Variants in SRFBP1 observed in about 807,000 individuals in gnomAD.
The protein encoded by SRFBP1 is serum response factor binding protein 1.
SRFBP1 carries 47 observed loss-of-function variants against 45.5 expected under a neutral mutation model. The ratio of observed to expected loss-of-function variants is 1.03; its 90% CI spans 0.82 to 1.32. The LOEUF is 1.32. Among genes scored for constraint, SRFBP1 ranks in the 40% most tolerant of loss-of-function variants. SRFBP1 has a pLI of 0.00. For missense variants in SRFBP1, 621 were observed against 484.6 expected, an observed-to-expected ratio of 1.28 and a Z score of -2.64; for synonymous variants, 203 against 166.3, an observed-to-expected ratio of 1.22 and a Z score of -1.70.
chr5:121,983,890 A>C (rs918551962), intron 3 of SRFBP1, among the ~76,000 whole-genome samples: 4 of 151,718 alleles, frequency 2.6e-5, no homozygotes, highest in Non-Finnish European at 4.4e-5. Context: ...AAGACCCTAA[A>C]ATTAGCTTCC....
chr5:122,045,701 A>G (rs370468766), intron 2 of SRFBP1, among the ~76,000 whole-genome samples: 7 of 152,122 alleles, frequency 4.6e-5, no homozygotes, highest in African/African-American at 1.7e-4. Flanking sequence ...TTATACATTG[A>G]TTTTGTATCT....
At chr5:122,056,182 T>C (rs1754075103) in intron 2 of SRFBP1, among the ~76,000 whole-genome samples, 1 of 148,930 alleles carries the variant, frequency 6.7e-6, no homozygotes, top group Non-Finnish European at 1.5e-5. Context: ...GTTTTAGTTT[T>C]AGAGACAGAA....
chr5:122,061,966 G>T (rs972310887), intron 2 of SRFBP1, among the ~76,000 whole-genome samples: 3 of 151,628 alleles, frequency 2.0e-5, no homozygotes, highest in Non-Finnish European at 4.4e-5. Flanking sequence ...ACTTAAGATG[G>T]TATATCCCAG....
chr5:121,975,035 G>A (rs1752273193), intron 2 of SRFBP1, among the ~76,000 whole-genome samples: 1 of 151,808 alleles, frequency 6.6e-6, no homozygotes, highest in African/African-American at 2.4e-5. Flanking sequence ...ATTTAAAAAA[G>A]TGTTATTAAG....
intron 2 of SRFBP1, among the ~76,000 whole-genome samples, chr5:122,046,906 T>C (rs1753871948): frequency 6.6e-6 from 1 of 152,200 alleles, no homozygotes; most frequent in Admixed American, 6.5e-5. Flanking sequence ...TGTTTTTTTC[T>C]TGTAAATTTG....
At chr5:122,002,728 A>G (rs1752896562) in intron 4 of SRFBP1, among the ~76,000 whole-genome samples, 1 of 152,186 alleles carries the variant, frequency 6.6e-6, no homozygotes, top group South Asian at 2.1e-4. Flanking sequence ...TATGTGAGAA[A>G]TTGTTGTAAT....
chr5:121,974,070 G>A lies in SRFBP1; in HGVS notation c.37-126G>A, dbSNP rs985399314. On this transcript the variant is annotated intron_variant, in intron 1 of 7. Coordinates refer to ENST00000339397, the MANE Select transcript of SRFBP1 (RefSeq NM_152546.3). Reference sequence around the variant, plus strand: ...AAGAGGTTTGATTTCATCAAGCTACGAATATAGTTAGACAATAAAAGTAGT... The same window carrying A: ...AAGAGGTTTGATTTCATCAAGCTACAAATATAGTTAGACAATAAAAGTAGT... 183 of 589,302 alleles carry A rather than the reference G, an allele frequency of 3.1e-4. 1 individual carries two copies. The highest frequency in any genetic ancestry group is 4.5e-5 in the Non-Finnish European group (15 of 335,182). The allele number at this position is 589,302 out of a possible 1,614,324, so 36.5% of individuals were successfully genotyped here.
chr5:122,078,794 T>A (rs754543813), downstream of SRFBP1, among the ~76,000 whole-genome samples: 3 of 152,222 alleles, frequency 2.0e-5, no homozygotes, highest in Non-Finnish European at 4.4e-5. Context: ...TCAAATTTTG[T>A]TTTTCTGTGT....
chr5:121,965,503 T>A lies in SRFBP1; in HGVS notation c.36+3435T>A, dbSNP rs1469387882. Among the ~76,000 whole-genome samples the A allele has an allele frequency of 2.0e-5, 3 of 152,278 alleles. No homozygotes were observed. In the East Asian group the frequency reaches 5.8e-4, roughly 29 times the overall value. ...TTGTCAAAGATCAGATGTTTGTAGA[T>A]GTGTGGTGTTGTTTCTGAGGCCTCT... On this transcript the variant is annotated intron_variant, in intron 1 of 7. Coordinates refer to ENST00000339397, the MANE Select transcript of SRFBP1 (RefSeq NM_152546.3).
chr5:122,044,485 C>G (rs1157343017), intron 2 of SRFBP1, among the ~76,000 whole-genome samples: 1 of 151,930 alleles, frequency 6.6e-6, no homozygotes, highest in African/African-American at 2.4e-5. Flanking sequence ...TAAGTATTCC[C>G]TTTTCTCCAC....
downstream of SRFBP1, among the ~76,000 whole-genome samples, chr5:122,029,318 A>T (rs1000421345): frequency 6.6e-6 from 1 of 152,182 alleles, no homozygotes; most frequent in African/African-American, 2.4e-5. Context: ...TCTACCTGAT[A>T]CTGTGTCTAT....
intron 3 of SRFBP1, among the ~76,000 whole-genome samples, chr5:121,978,565 C>T (rs1752350069): frequency 6.6e-6 from 1 of 152,092 alleles, no homozygotes; most frequent in South Asian, 2.1e-4. Flanking sequence ...GATCTCTGCT[C>T]ACTGTAACCT....
At chr5:122,035,210 G>T (rs936209342) in intron 2 of SRFBP1, among the ~76,000 whole-genome samples, 1 of 151,998 alleles carries the variant, frequency 6.6e-6, no homozygotes, top group Admixed American at 6.6e-5. Flanking sequence ...GTGGAGATTT[G>T]TATCTTTCCT....
At chr5:121,980,484 G>A (rs1473724313) in intron 3 of SRFBP1, among the ~76,000 whole-genome samples, 2 of 152,112 alleles carry the variant, frequency 1.3e-5, no homozygotes, top group East Asian at 1.9e-4. Flanking sequence ...CCGTTAAAAC[G>A]TTTTTATTGT....
intron 2 of SRFBP1, among the ~76,000 whole-genome samples, chr5:122,040,654 GAATT>G (rs1218639334): frequency 6.6e-6 from 1 of 152,142 alleles, no homozygotes; most frequent in Admixed American, 6.6e-5. Flanking sequence ...AAATAGGTGT[GAATT>G]AGTTGATATC....
At chr5:121,979,044 G>A (rs1483617873) in intron 3 of SRFBP1, among the ~76,000 whole-genome samples, 2 of 152,072 alleles carry the variant, frequency 1.3e-5, no homozygotes, top group East Asian at 1.9e-4. Context: ...TCAGGCTTCT[G>A]CACAGCTTGC....
chr5:122,031,409 T>C (rs1753586603), downstream of SRFBP1, among the ~76,000 whole-genome samples: 1 of 151,984 alleles, frequency 6.6e-6, no homozygotes, highest in African/African-American at 2.4e-5. Flanking sequence ...GCAATAGAAA[T>C]TCCCTGAGGA....
intron 1 of SRFBP1, among the ~76,000 whole-genome samples, chr5:121,973,424 G>C (rs11951243): frequency 0.88 from 132,925 of 151,828 alleles, 58,296 homozygotes; most frequent in East Asian, 0.95. Context: ...TGTATGCCTC[G>C]TAACTGATAG....
intron 3 of SRFBP1, among the ~76,000 whole-genome samples, chr5:121,979,244 C>T (rs1022263615): frequency 6.6e-6 from 1 of 152,146 alleles, no homozygotes; most frequent in Non-Finnish European, 1.5e-5. Flanking sequence ...GTATTCTAGG[C>T]TGTGTATACC....
Sources: allele counts gnomAD v4.1 joint callset (sites outside exome capture counted in the v4.1 genomes callset), GRCh38; gene constraint gnomAD v4.1.1; transcripts MANE v1.5; gene names NCBI Gene and HGNC (gene_info 2026-07-23, HGNC 2026-07-21).